The following SSC4D variants were observed in gnomAD, a reference collection of about 807,000 sequenced individuals.
SSC4D encodes scavenger receptor cysteine rich family member with 4 domains, also known as scavenger receptor cysteine-rich domain-containing group B protein.
A neutral mutation model predicts 63.4 loss-of-function variants in SSC4D; 57 were observed. That is an observed-to-expected ratio of 0.90 (90% CI 0.73 to 1.12). The LOEUF (loss-of-function observed/expected upper bound fraction) is 1.12, where lower values mean the gene tolerates loss of function less well. Among genes scored for constraint, SSC4D ranks in the 50% most tolerant of loss-of-function variants. SSC4D has a pLI of 0.00. For synonymous variants in SSC4D, 352 were observed against 345.4 expected, an observed-to-expected ratio of 1.02 and a Z score of -0.21; for missense variants, 791 against 806.4, an observed-to-expected ratio of 0.98 and a Z score of 0.23.
rs1453434273 is a variant in SSC4D at position 76,402,201 on chromosome 7, G to A, written c.134-1158C>T. Among the ~76,000 whole-genome samples, 5 of 67,438 alleles carry A rather than the reference G, an allele frequency of 7.4e-5. No homozygotes were observed. In the Admixed American group the frequency reaches 8.2e-4, roughly 11 times the overall value. The allele number at this position is 67,438 out of a possible 152,430, so 44.2% of individuals were successfully genotyped here. On this transcript the variant is annotated intron_variant, in intron 2 of 10. Transcript: ENST00000275560. The stretch of plus-strand genomic sequence containing the variant: ...CCAGCTATTTTTTTTTTTTTTTTTT[G>A]AGACAGAGTCTTACTCCATTCAGGC...
chr7:76,405,148 G>GGCT (rs1804957993), intron 1 of SSC4D, among the ~76,000 whole-genome samples: 1 of 143,946 alleles, frequency 6.9e-6, no homozygotes, highest in Non-Finnish European at 1.5e-5. Context: ...TCTGTGGCCA[G>GGCT]GCTGGAGTGT....
At chr7:76,409,323 TCACACACA>T (rs3081030) in intron 1 of SSC4D, 83 bp downstream of exon 1, 55,712 of 146,354 alleles carry the variant, frequency 0.38, 10,837 homozygotes, top group South Asian at 0.49. Context: ...TCTCTCTGTC[TCACACACA>T]CACACACACA....
rs1034143360 is a variant in SSC4D at position 76,393,333 on chromosome 7, G to T, written c.1333+72C>A. On this transcript the variant is annotated intron_variant, in intron 9 of 10. Coordinates refer to ENST00000275560, the MANE Select transcript of SSC4D (RefSeq NM_080744.2). ...GTGCCGCAAGAGAGGCCTCGCGCGT[G>T]GCGCCGCCCCGCCCCTCCCACGCCG... is the stretch of plus-strand genomic sequence containing the variant. 29 of 1,277,602 alleles carry T rather than the reference G, an allele frequency of 2.3e-5. No individual in the cohort carries two copies. The African/African-American group carries it at 4.4e-4, about 19-fold the overall frequency. The allele number at this position is 1,277,602 out of a possible 1,614,324, so 79.1% of individuals were successfully genotyped here.
intron 5 of SSC4D, among the ~76,000 whole-genome samples, chr7:76,398,359 G>C (rs1005476286): frequency 8.2e-5 from 12 of 146,538 alleles, no homozygotes; most frequent in African/African-American, 3.1e-4. Context: ...CCCCAGGCTA[G>C]AGTACAGTGG....
At chr7:76,393,251 G>A in intron 9 of SSC4D, 154 bp downstream of exon 9, 1 of 746,110 alleles carries the variant, frequency 1.3e-6, no homozygotes, top group Non-Finnish European at 1.8e-6. Context: ...CAGCCGCAGA[G>A]CGGGCGCACG....
At chr7:76,394,357 G>A (rs1804579409) in intron 7 of SSC4D, among the ~76,000 whole-genome samples, 1 of 151,640 alleles carries the variant, frequency 6.6e-6, no homozygotes, top group South Asian at 2.1e-4. Flanking sequence ...TGATCCTCCT[G>A]CCTCGGTATT....
At chr7:76,400,679 AT>A (rs774727687) in intron 3 of SSC4D, 88 bp from the exon 4 acceptor site, 246 of 1,331,456 alleles carry the variant, frequency 1.8e-4, no homozygotes, top group East Asian at 2.2e-4. Context: ...TTTTATTATT[AT>A]TTTTTTTGGT....
At position 76,404,514 on chromosome 7, in the gene SSC4D, A is replaced by G; in HGVS notation, c.-66-9T>C. ...AGTCACAGTTGGAACATCTGAAATT[A>G]AAGATCCCAAATGTTGCTGGGCCTC... On this transcript the variant is annotated splice_polypyrimidine_tract_variant and intron_variant, in intron 1 of 10. Coordinates refer to ENST00000275560, the MANE Select transcript of SSC4D (RefSeq NM_080744.2). 3.1e-6 allele frequency: 5 copies of G among 1,609,218 alleles called. No homozygotes were observed. The East Asian group carries it at 1.1e-4, about 36-fold the overall frequency.
intron 6 of SSC4D, among the ~76,000 whole-genome samples, chr7:76,396,600 G>A (rs1039879729): frequency 1.3e-5 from 2 of 152,152 alleles, no homozygotes; most frequent in African/African-American, 2.4e-5. Flanking sequence ...AACCCTCCTG[G>A]ACTAAGCCTC....
In SSC4D at chr7:76,391,949, A is replaced by G; in HGVS notation, c.1411+15T>C. On this transcript the variant is annotated intron_variant, in intron 10 of 10. Coordinates refer to ENST00000275560, the MANE Select transcript of SSC4D (RefSeq NM_080744.2). ...CGATGCCTCCACCCACTTTCAGGGGATTATGGGCACCTACCGTCCCTGGGC... is the reference window on the plus strand; with the variant it reads ...CGATGCCTCCACCCACTTTCAGGGGGTTATGGGCACCTACCGTCCCTGGGC... 6.3e-7 allele frequency: 1 copy of G among 1,585,040 alleles called. No homozygotes were observed. The highest frequency in any genetic ancestry group is 8.6e-7 in the Non-Finnish European group (1 of 1,165,200).
intron 6 of SSC4D, among the ~76,000 whole-genome samples, chr7:76,397,153 G>T (rs187024425): frequency 6.6e-6 from 1 of 152,214 alleles, no homozygotes; most frequent in East Asian, 1.9e-4. Flanking sequence ...CGTCAGCTCG[G>T]CTCACTGCAA....
intron 7 of SSC4D, among the ~76,000 whole-genome samples, chr7:76,394,742 A>G (rs1436679323): frequency 9.2e-6 from 1 of 108,660 alleles, no homozygotes; most frequent in East Asian, 2.7e-4. Context: ...AAATATATGT[A>G]TGTATAATAT....
At chr7:76,405,672 G>A (rs985703445) in intron 1 of SSC4D, among the ~76,000 whole-genome samples, 1 of 152,018 alleles carries the variant, frequency 6.6e-6, no homozygotes, top group Non-Finnish European at 1.5e-5. Context: ...ATTCTGAGTG[G>A]AGACGACGGC....
intron 6 of SSC4D, among the ~76,000 whole-genome samples, chr7:76,396,099 T>A (rs1451691800): frequency 6.6e-6 from 1 of 152,210 alleles, no homozygotes; most frequent in Non-Finnish European, 1.5e-5. Context: ...TCTGCCCTCC[T>A]ACAGCCCCTC....
intron 2 of SSC4D, among the ~76,000 whole-genome samples, chr7:76,401,742 G>A (rs144049139): frequency 6.6e-5 from 10 of 152,238 alleles, no homozygotes; most frequent in Non-Finnish European, 1.5e-4. Flanking sequence ...TTCCCAGCTT[G>A]GAGCCCCTTC....
rs752591121 is a variant in SSC4D at position 76,397,882 on chromosome 7, C to G, written c.554-50G>C. The G allele has an allele frequency of 7.5e-5, 109 of 1,456,758 alleles. No individual in the cohort carries two copies. In the African/African-American group the frequency reaches 1.4e-3, roughly 19 times the overall value. 90.2% of individuals were successfully genotyped at this position (1,456,758 alleles called of 1,614,324 possible). A position where few individuals can be genotyped will look rare whatever the true frequency, so the allele number is the denominator to read the frequency against. ...GCGCATCTCCCACTGGCCTCTGCCC[C>G]CGTCCGCACCGCAAGGGCAGCCCGG... On this transcript the variant is annotated intron_variant, in intron 5 of 10. Transcript: ENST00000275560.
At position 76,390,251 on chromosome 7, in the gene SSC4D, G is replaced by A; in HGVS notation, c.1536C>T (p.Arg512=). 1 of 1,613,980 alleles carries A rather than the reference G, an allele frequency of 6.2e-7. No homozygotes were observed. Residue 512 remains arginine, a synonymous_variant, in exon 11 of 11, where the codon CGC becomes CGT. Transcript: ENST00000275560. ...CGAGGGCCTGGCCACAGCCCAGCTG[G>A]CGGCACAGGACACCGGCTGCCCGCA... The part of the protein sequence containing the change: ...WDLRAAGVLC[R]QLGCGQALAA...
chr7:76,395,923 G>A lies in SSC4D; in HGVS notation c.869-593C>T, dbSNP rs112899055. On this transcript the variant is annotated intron_variant, in intron 6 of 10. Coordinates refer to ENST00000275560, the MANE Select transcript of SSC4D (RefSeq NM_080744.2). ...CTGGCTAGGCTGGTCTCAAACACCC[G>A]ACCTCAGGCGATCCGCCCATCTCGG... 6.2e-3 allele frequency among the ~76,000 whole-genome samples: 945 copies of A among 152,254 alleles called. 12 individuals carry two copies. The highest frequency in any genetic ancestry group is 0.021 in the African/African-American group (852 of 41,544).
chr7:76,391,897 C>A, intron 10 of SSC4D, 67 bp downstream of exon 10: 3 of 1,484,550 alleles, frequency 2.0e-6, no homozygotes, highest in Non-Finnish European at 1.8e-6. Flanking sequence ...AGGCTGTGAC[C>A]TCCCCCAATC....
Sources: allele counts gnomAD v4.1 joint callset (sites outside exome capture counted in the v4.1 genomes callset), GRCh38; gene constraint gnomAD v4.1.1; transcripts MANE v1.5; gene names NCBI Gene and HGNC (gene_info 2026-07-23, HGNC 2026-07-21).